The following PTPRG variants were observed in gnomAD, a reference collection of about 807,000 sequenced individuals.
The protein encoded by PTPRG is receptor-type tyrosine-protein phosphatase gamma.
Under a neutral mutation model 165.3 loss-of-function variants are expected in PTPRG, and 102 were observed. That is an observed-to-expected ratio of 0.62 (90% confidence interval 0.53 to 0.73). PTPRG has a LOEUF of 0.73. PTPRG is among the 30% of genes least tolerant of loss of function. The probability of loss-of-function intolerance (pLI) is 0.00; values close to 1 mark genes in which losing one functional copy is unlikely to be tolerated. For missense variants in PTPRG, 1,866 were observed against 1,861.4 expected (o/e 1.00, Z -0.05); for synonymous variants, 675 against 669.5 (o/e 1.01, Z -0.13).
At chr3:61,899,743 G>A (rs986517347) in intron 2 of PTPRG, among the ~76,000 whole-genome samples, 2 of 152,178 alleles carry the variant, frequency 1.3e-5, no homozygotes, top group African/African-American at 2.4e-5. Flanking sequence ...TCTGTATATA[G>A]TTTGAAACAG....
intron 8 of PTPRG, among the ~76,000 whole-genome samples, chr3:62,181,034 C>T (rs1015416728): frequency 6.6e-6 from 1 of 152,204 alleles, no homozygotes; most frequent in African/African-American, 2.4e-5. Context: ...ATCTAATACT[C>T]ATTTGTTTGC....
intron 1 of PTPRG, among the ~76,000 whole-genome samples, chr3:61,658,775 C>G (rs1702580843): frequency 6.6e-6 from 1 of 152,192 alleles, no homozygotes; most frequent in Admixed American, 6.5e-5. Flanking sequence ...TTGCTAGACA[C>G]TCATGGCCAT....
At chr3:62,141,329 G>A (rs1331524709) in intron 6 of PTPRG, among the ~76,000 whole-genome samples, 2 of 152,176 alleles carry the variant, frequency 1.3e-5, no homozygotes, top group African/African-American at 4.8e-5. Flanking sequence ...GTATAGGCCA[G>A]GCGCGGTGGC....
chr3:61,594,564 T>C (rs892825385), intron 1 of PTPRG, among the ~76,000 whole-genome samples: 5 of 152,068 alleles, frequency 3.3e-5, no homozygotes, highest in African/African-American at 9.7e-5. Context: ...CTCCATCCAA[T>C]CAGTTATTTC....
intron 1 of PTPRG, among the ~76,000 whole-genome samples, chr3:61,647,130 G>A (rs2106969065): frequency 6.6e-6 from 1 of 152,226 alleles, no homozygotes; most frequent in South Asian, 2.1e-4. Flanking sequence ...ATGCTCAAGG[G>A]TGCCATTGCT....
intron 1 of PTPRG, among the ~76,000 whole-genome samples, chr3:61,659,053 GCCC>G (rs1702589685): frequency 1.3e-5 from 2 of 151,982 alleles, no homozygotes; most frequent in African/African-American, 4.8e-5. Flanking sequence ...CCCTGCCCCT[GCCC>G]CTGCCCCTGT....
Position 62,281,544 on chromosome 3 carries a change from T to TTTTTTTTTTTTTTTTTTTTTTTTTTTTTG in PTPRG, c.3766-12_3766-11insTTTTTTTTTTTTTTTTTTTTTGTTTTTTT. On this transcript the variant is annotated intron_variant, in intron 26 of 29. Coordinates refer to ENST00000474889, the MANE Select transcript of PTPRG (RefSeq NM_002841.4). ...CTTGACAGAACTGCAGAGGCTTTTT[T>TTTTTTTTTTTTTTTTTTTTTTTTTTTTTG]TTTTTTTGGATTCCAAAGGCAGAAG... The TTTTTTTTTTTTTTTTTTTTTTTTTTTTTG allele has an allele frequency of 1.5e-6, 2 of 1,367,926 alleles. No homozygotes were observed. The allele number at this position is 1,367,926 out of a possible 1,614,324, so 84.7% of individuals were successfully genotyped here.
intron 1 of PTPRG, among the ~76,000 whole-genome samples, chr3:61,725,780 A>C (rs1434021938): frequency 6.6e-6 from 1 of 151,088 alleles, no homozygotes; most frequent in Non-Finnish European, 1.5e-5. Context: ...TCCCTGAGAA[A>C]TCTTCCCTTT....
intron 2 of PTPRG, among the ~76,000 whole-genome samples, chr3:61,821,068 C>T (rs1156298000): frequency 1.3e-5 from 2 of 152,064 alleles, no homozygotes; most frequent in Non-Finnish European, 2.9e-5. Context: ...CTTTTAATGG[C>T]TACTTCTTCA....
At chr3:61,611,262 CT>C (rs1352180500) in intron 1 of PTPRG, among the ~76,000 whole-genome samples, 1 of 152,168 alleles carries the variant, frequency 6.6e-6, no homozygotes, top group Admixed American at 6.5e-5. Flanking sequence ...TATTCAGCTT[CT>C]TGTGGGTTCA....
intron 1 of PTPRG, among the ~76,000 whole-genome samples, chr3:61,717,842 A>G (rs536672131): frequency 2.0e-5 from 3 of 152,262 alleles, no homozygotes; most frequent in African/African-American, 7.2e-5. Context: ...TGTAGGTATT[A>G]GAACATATTA....
chr3:61,837,519 C>T (rs766315947), intron 2 of PTPRG, among the ~76,000 whole-genome samples: 1 of 152,168 alleles, frequency 6.6e-6, no homozygotes, highest in Non-Finnish European at 1.5e-5. Flanking sequence ...CTATTAAAGG[C>T]TGAATACGGA....
intron 5 of PTPRG, among the ~76,000 whole-genome samples, chr3:62,125,447 G>T (rs994522611): frequency 6.6e-6 from 1 of 152,188 alleles, no homozygotes; most frequent in Non-Finnish European, 1.5e-5. Context: ...AAGGGTGAGA[G>T]TTCACATCTA....
At chr3:61,783,006 A>G (rs1157578416) in intron 2 of PTPRG, among the ~76,000 whole-genome samples, 3 of 151,894 alleles carry the variant, frequency 2.0e-5, no homozygotes, top group Non-Finnish European at 4.4e-5. Context: ...GGGACTCACT[A>G]TGTTGTCCAG....
chr3:61,761,590 C>G (rs1204314676), intron 2 of PTPRG, among the ~76,000 whole-genome samples: 3 of 151,614 alleles, frequency 2.0e-5, no homozygotes, highest in Non-Finnish European at 2.9e-5. Flanking sequence ...AACAAAGAAA[C>G]AAACAAACAA....
intron 8 of PTPRG, among the ~76,000 whole-genome samples, chr3:62,177,683 C>T (rs1178275255): frequency 6.6e-6 from 1 of 152,148 alleles, no homozygotes; most frequent in African/African-American, 2.4e-5. Context: ...AGCCATTCTG[C>T]AGTCCCAGCA....
At chr3:62,048,543 T>A (rs2106640960) in intron 4 of PTPRG, among the ~76,000 whole-genome samples, 1 of 152,280 alleles carries the variant, frequency 6.6e-6, no homozygotes, top group East Asian at 1.9e-4. Flanking sequence ...TAGGAAAACA[T>A]TGTAGGGTTA....
chr3:62,006,839 C>T (rs764842346), intron 4 of PTPRG, among the ~76,000 whole-genome samples: 4 of 152,176 alleles, frequency 2.6e-5, no homozygotes, highest in African/African-American at 4.8e-5. Context: ...TAAAAGGAAT[C>T]ATCCAGCCCC....
At chr3:61,894,846 T>A (rs940193921) in intron 2 of PTPRG, among the ~76,000 whole-genome samples, 5 of 152,232 alleles carry the variant, frequency 3.3e-5, no homozygotes, top group Non-Finnish European at 7.3e-5. Flanking sequence ...CTTTTATTTT[T>A]TTTTTTAATT....
Sources: allele counts gnomAD v4.1 joint callset (sites outside exome capture counted in the v4.1 genomes callset), GRCh38; gene constraint gnomAD v4.1.1; transcripts MANE v1.5; gene names NCBI Gene and HGNC (gene_info 2026-07-23, HGNC 2026-07-21).